Variants in CRLF3 observed in about 807,000 individuals in gnomAD.
CRLF3 encodes the protein cytokine receptor-like factor 3.
Under a neutral mutation model 55.0 loss-of-function variants are expected in CRLF3, and 33 were observed. That is an observed-to-expected ratio of 0.60 (90% CI 0.46 to 0.80). The LOEUF is 0.80. Ranked by LOEUF, CRLF3 falls within the 30% of genes least tolerant of loss-of-function variation. The pLI is 0.00. For synonymous variants in CRLF3, 238 were observed against 196.8 expected (o/e 1.21, Z -1.75); for missense variants, 494 against 538.4 (o/e 0.92, Z 0.82).
chr17:30,793,411 T>C (rs377220079), intron 5 of CRLF3, 39 bp downstream of exon 5: 18 of 1,500,228 alleles, frequency 1.2e-5, no homozygotes, highest in African/African-American at 9.6e-5. Flanking sequence ...TATTCTAATA[T>C]ATAGTTAGGC....
intron 1 of CRLF3, among the ~76,000 whole-genome samples, chr17:30,818,822 G>GTTT (rs57612738): frequency 7.6e-6 from 1 of 131,608 alleles, no homozygotes; most frequent in Non-Finnish European, 1.7e-5. Flanking sequence ...ACTTTTGAGT[G>GTTT]TTTTTTTTTT....
intron 2 of CRLF3, among the ~76,000 whole-genome samples, chr17:30,802,402 G>A (rs1480541613): frequency 1.3e-5 from 2 of 151,102 alleles, no homozygotes; most frequent in Non-Finnish European, 2.9e-5. Context: ...TTACAGGCGT[G>A]AGCCACCGTG....
Position 30,784,374 on chromosome 17 carries a change from G to A in CRLF3, c.1142C>T (p.Thr381Met), listed in dbSNP as rs773292810. Residue 381 changes from threonine to methionine, a missense_variant, in exon 8 of 8, where the codon ACG (threonine) becomes ATG (methionine). Transcript: ENST00000324238. ...TAGAGTCACGGCTTCAATGTCAAAC[G>A]TGACAGTGGACCCAGAAGTAACTGC... is the stretch of plus-strand genomic sequence containing the variant. ...LPAVTSGSTV[T>M]FDIEAVTLGT... 2 of 1,613,472 alleles carry A rather than the reference G, an allele frequency of 1.2e-6. No homozygotes were observed. Among genetic ancestry groups the A allele is most frequent in the African/African-American group, 1.3e-5 (1 of 74,894 alleles).
chr17:30,802,598 GT>G (rs999831336), intron 2 of CRLF3, among the ~76,000 whole-genome samples: 55 of 142,352 alleles, frequency 3.9e-4, no homozygotes, highest in South Asian at 9.0e-4. Flanking sequence ...GCCCAGCTAA[GT>G]TTTTTTTTTT....
At chr17:30,823,276 C>T (rs1175938714) in intron 1 of CRLF3, among the ~76,000 whole-genome samples, 3 of 151,704 alleles carry the variant, frequency 2.0e-5, no homozygotes, top group African/African-American at 7.3e-5. Flanking sequence ...GCAGGAGAAT[C>T]GCTTGAACCC....
Position 30,796,347 on chromosome 17 carries a change from C to T in CRLF3, c.426-10G>A. 6.2e-7 allele frequency: 1 copy of T among 1,610,008 alleles called. No homozygotes were observed. The highest frequency in any genetic ancestry group is 8.5e-7 in the Non-Finnish European group (1 of 1,177,612). On this transcript the variant is annotated splice_polypyrimidine_tract_variant and intron_variant, in intron 3 of 7. Transcript: ENST00000324238. ...AGGTACTTCTGGTAAGCTGAGGAAA[C>T]AAAGCTCATGTGTTATGAGACCTCT...
Position 30,818,186 on chromosome 17 carries a change from G to A in CRLF3, c.129+6337C>T, listed in dbSNP as rs538889152. 3.3e-3 allele frequency among the ~76,000 whole-genome samples: 494 copies of A among 151,926 alleles called. 2 individuals are homozygous for A. The highest frequency in any genetic ancestry group is 0.011 in the African/African-American group (476 of 41,456). ...GAGGCAAGAGAATTGCTTGAACCTG[G>A]GAGGTGGAGGTTGCAGTGAGCCAAG... On this transcript the variant is annotated intron_variant, in intron 1 of 7. Coordinates refer to ENST00000324238, the MANE Select transcript of CRLF3 (RefSeq NM_015986.4).
At chr17:30,793,227 A>G (rs1971851261) in intron 5 of CRLF3, among the ~76,000 whole-genome samples, 1 of 149,022 alleles carries the variant, frequency 6.7e-6, no homozygotes, top group Non-Finnish European at 1.5e-5. Context: ...TTTGGTTTTC[A>G]ATGAGGCTAA....
rs1212204633 is a variant in CRLF3, at chr17:30,788,139, T to C, written c.960-2108A>G. Among the ~76,000 whole-genome samples, 8 of 150,896 alleles carry C rather than the reference T, an allele frequency of 5.3e-5. No homozygotes were observed. In the South Asian group the frequency reaches 8.3e-4, roughly 16 times the overall value. Reference sequence around the variant, plus strand: ...GTCAGGAGATTGAGACCATCCTGGCTAACACGGTGAAACCCCGTCTCTACT... The same window carrying C: ...GTCAGGAGATTGAGACCATCCTGGCCAACACGGTGAAACCCCGTCTCTACT... On this transcript the variant is annotated intron_variant, in intron 6 of 7. Coordinates refer to ENST00000324238, the MANE Select transcript of CRLF3 (RefSeq NM_015986.4).
chr17:30,787,833 T>G (rs1971684166), intron 6 of CRLF3: 1 of 151,418 alleles, frequency 6.6e-6, no homozygotes, highest in African/African-American at 2.4e-5. Context: ...AAACCCCGTA[T>G]CTACAAAAAA....
At chr17:30,792,660 G>C in intron 5 of CRLF3, 88 bp from the exon 6 acceptor site, 1 of 1,239,106 alleles carries the variant, frequency 8.1e-7, no homozygotes, top group Non-Finnish European at 1.1e-6. Context: ...ATGGAAATGG[G>C]AGACTACTCT....
Position 30,786,325 on chromosome 17 carries a change from C to T in CRLF3, c.960-294G>A, listed in dbSNP as rs190315329. On this transcript the variant is annotated intron_variant, in intron 6 of 7. Coordinates refer to ENST00000324238, the MANE Select transcript of CRLF3 (RefSeq NM_015986.4). ...TGCGACCTTGGCTCACTGCAACCTC[C>T]GCCTCCCGGGTTCAAGCAGTTCTCT... 35 of 209,052 alleles carry T rather than the reference C, an allele frequency of 1.7e-4. No individual in the cohort carries two copies. The East Asian group carries it at 2.4e-3, about 14-fold the overall frequency. The allele number at this position is 209,052 out of a possible 1,614,324, so 12.9% of individuals were successfully genotyped here. A position where few individuals can be genotyped will look rare whatever the true frequency, so the allele number is the denominator to read the frequency against.
chr17:30,817,953 T>C lies in CRLF3; in HGVS notation c.129+6570A>G, dbSNP rs182263968. 6.5e-3 allele frequency among the ~76,000 whole-genome samples: 920 copies of C among 141,344 alleles called. 10 individuals carry two copies. Among genetic ancestry groups the C allele is most frequent in the African/African-American group, 0.023 (878 of 37,764 alleles). The allele number at this position is 141,344 out of a possible 152,430, so 92.7% of individuals were successfully genotyped here. On this transcript the variant is annotated intron_variant, in intron 1 of 7. Transcript: ENST00000324238. ...GTTAACTGCAGTTGTCTGTAAGTAG[T>C]AGGTTATTTTAAAACTATTTCATCT...
intron 6 of CRLF3, 115 bp downstream of exon 6, chr17:30,792,304 AAAGAAGCCTTCCCACAGTAAC>A: frequency 9.9e-6 from 7 of 707,518 alleles, no homozygotes; most frequent in Non-Finnish European, 1.6e-5. Context: ...TACAGGAAAT[AAAGAAGCCTTCCCACAGTAAC>A]ACTGCCTATA....
At chr17:30,796,786 C>T (rs1272328852) in intron 3 of CRLF3, among the ~76,000 whole-genome samples, 2 of 148,508 alleles carry the variant, frequency 1.3e-5, no homozygotes, top group South Asian at 2.1e-4. Flanking sequence ...TGCTGTGGTG[C>T]GATCTCAGCT....
In CRLF3 at chr17:30,784,032, C is replaced by T. The variant is rs1971571924; in HGVS notation, c.*155G>A. On this transcript the variant is annotated 3_prime_UTR_variant, in exon 8 of 8. Transcript: ENST00000324238. ...GATTTTGTCCACAACATTGAAGTCT[C>T]TTTTTGCTAAAATATTACAAAATGA... is the stretch of plus-strand genomic sequence containing the variant. 2 of 663,416 alleles carry T rather than the reference C, an allele frequency of 3.0e-6. No individual in the cohort carries two copies. The highest frequency in any genetic ancestry group is 4.3e-5 in the South Asian group (2 of 46,104). 41.1% of individuals were successfully genotyped at this position (663,416 alleles called of 1,614,324 possible).
chr17:30,805,888 T>C (rs1904384927), intron 1 of CRLF3, among the ~76,000 whole-genome samples: 1 of 152,048 alleles, frequency 6.6e-6, no homozygotes, highest in Non-Finnish European at 1.5e-5. Flanking sequence ...CCGGGCATGG[T>C]GGCACATGCC....
chr17:30,788,261 G>T (rs1971695749), intron 6 of CRLF3, among the ~76,000 whole-genome samples: 2 of 150,934 alleles, frequency 1.3e-5, no homozygotes, highest in African/African-American at 4.9e-5. Flanking sequence ...CTGAGAGGTG[G>T]AGGTTGCAGT....
At chr17:30,805,130 C>A (rs946736818) in intron 1 of CRLF3, among the ~76,000 whole-genome samples, 3 of 151,882 alleles carry the variant, frequency 2.0e-5, no homozygotes, top group Non-Finnish European at 4.4e-5. Flanking sequence ...TTGCAGGGAT[C>A]CAAGATTGCG....
Sources: gnomAD v4.1 joint callset for allele counts (sites outside exome capture counted in the v4.1 genomes callset) on GRCh38, gnomAD v4.1.1 for gene constraint, MANE v1.5 for transcripts, NCBI Gene and HGNC (gene_info 2026-07-23, HGNC 2026-07-21) for gene names.